The following MTCL2 variants were observed in gnomAD, a reference collection of about 807,000 sequenced individuals.
The protein encoded by MTCL2 is microtubule cross-linking factor 2.
At chr20:36,793,752 G>C in the MTCL2 span, 1 of 1,541,650 alleles carries the variant, frequency 6.5e-7, no homozygotes, top group African/African-American at 1.4e-5. The surrounding 1 kb of genome is among the most constrained non-coding windows in gnomAD (Gnocchi z 6.8). Context: ...CGCCTCTGGA[G>C]CTTTGGTGAG....
chr20:36,792,538 C>A, the MTCL2 span, among the ~76,000 whole-genome samples: 5 of 150,232 alleles, frequency 3.3e-5, no homozygotes, highest in Non-Finnish European at 5.9e-5. Flanking sequence ...AAAAAAAAAA[C>A]CCACAGAGAT....
chr20:36,799,019 TA>T, the MTCL2 span, among the ~76,000 whole-genome samples: 1 of 152,128 alleles, frequency 6.6e-6, no homozygotes, highest in South Asian at 2.1e-4. Flanking sequence ...GCTTTGCTTC[TA>T]AGAAACTCAA....
At chr20:36,863,375 C>A in the MTCL2 span, 1 of 1,157,624 alleles carries the variant, frequency 8.6e-7, no homozygotes, top group Non-Finnish European at 1.1e-6. This position sits in a 1 kb window ranked among gnomAD's most constrained non-coding sequence, Gnocchi z 6.2. Context: ...GCGAGCTGCG[C>A]GCATGGCCCA....
the MTCL2 span, among the ~76,000 whole-genome samples, chr20:36,825,999 CTTTCT>C: frequency 0.92 from 134,891 of 146,242 alleles, 63,073 homozygotes; most frequent in South Asian, 1. Context: ...ATTCCAAATA[CTTTCT>C]TTTCTTTTTT....
At chr20:36,833,925 G>T in the MTCL2 span, among the ~76,000 whole-genome samples, 4 of 152,192 alleles carry the variant, frequency 2.6e-5, no homozygotes, top group Admixed American at 2.6e-4. Context: ...CCCTTTGGGA[G>T]GCCGAGGCCG....
At chr20:36,820,394 T>C in the MTCL2 span, among the ~76,000 whole-genome samples, 1 of 152,154 alleles carries the variant, frequency 6.6e-6, no homozygotes, top group Non-Finnish European at 1.5e-5. Flanking sequence ...GATCATGAGA[T>C]TCACTGACAT....
the MTCL2 span, chr20:36,812,557 C>T: frequency 2.0e-6 from 2 of 1,005,162 alleles, no homozygotes; most frequent in South Asian, 2.1e-5. Context: ...TCCCTTCTGG[C>T]CTTGGCTGCC....
At chr20:36,794,618 G>T in the MTCL2 span, 1 of 1,613,990 alleles carries the variant, frequency 6.2e-7, no homozygotes, top group African/African-American at 1.3e-5. The surrounding 1 kb of genome is among the most constrained non-coding windows in gnomAD (Gnocchi z 5.4). Flanking sequence ...GACAGAGGAG[G>T]AAACGTCGTT....
At chr20:36,863,072 G>A in the MTCL2 span, 1 of 1,403,552 alleles carries the variant, frequency 7.1e-7, no homozygotes, top group Non-Finnish European at 9.3e-7. This position sits in a 1 kb window ranked among gnomAD's most constrained non-coding sequence, Gnocchi z 6.2. Context: ...CCCCGGTGCG[G>A]ACCCCGGCCA....
At chr20:36,827,357 C>CCTT in the MTCL2 span, among the ~76,000 whole-genome samples, 1 of 116,360 alleles carries the variant, frequency 8.6e-6, no homozygotes, top group African/African-American at 3.3e-5. Flanking sequence ...CTGGACCCCC[C>CCTT]TTTTTTTTTT....
chr20:36,839,330 T>C, the MTCL2 span: 4 of 1,612,014 alleles, frequency 2.5e-6, no homozygotes, highest in South Asian at 4.4e-5. This position sits in a 1 kb window ranked among gnomAD's most constrained non-coding sequence, Gnocchi z 5.1. Flanking sequence ...ATGCGGCAGG[T>C]CTTGCTGGCC....
chr20:36,838,026 A>C, the MTCL2 span, among the ~76,000 whole-genome samples: 1 of 150,174 alleles, frequency 6.7e-6, no homozygotes, highest in Non-Finnish European at 1.5e-5. Flanking sequence ...GCCTTGACCA[A>C]CTCTAGGCCT....
chr20:36,835,951 C>A, the MTCL2 span, among the ~76,000 whole-genome samples: 1 of 152,140 alleles, frequency 6.6e-6, no homozygotes, highest in African/African-American at 2.4e-5. Flanking sequence ...CCTCATCTTT[C>A]TGAAGTCTGA....
At chr20:36,803,532 T>G in the MTCL2 span, among the ~76,000 whole-genome samples, 3 of 151,900 alleles carry the variant, frequency 2.0e-5, no homozygotes, top group African/African-American at 7.3e-5. Flanking sequence ...TGCCCAGGTC[T>G]TTGGGGGCAG....
the MTCL2 span, chr20:36,859,747 C>T: frequency 3.2e-6 from 4 of 1,231,764 alleles, no homozygotes; most frequent in Non-Finnish European, 4.0e-6. Flanking sequence ...GGCCACCCAC[C>T]AGACCTGGTG....
chr20:36,786,730 G>T, the MTCL2 span: 1 of 1,252,126 alleles, frequency 8.0e-7, no homozygotes, highest in Non-Finnish European at 1.1e-6. Context: ...AAGGAACTGA[G>T]ACTCGGCCAT....
the MTCL2 span, among the ~76,000 whole-genome samples, chr20:36,813,140 C>G: frequency 1.3e-5 from 2 of 152,078 alleles, no homozygotes; most frequent in South Asian, 4.1e-4. Flanking sequence ...TGTCCTATCA[C>G]ATGTGTGACC....
the MTCL2 span, among the ~76,000 whole-genome samples, chr20:36,853,728 TG>T: frequency 1.3e-5 from 2 of 151,822 alleles, no homozygotes; most frequent in Non-Finnish European, 2.9e-5. Context: ...TGTGTGTGTG[TG>T]TGTGTGTGTG....
chr20:36,863,324 C>T, the MTCL2 span: 1 of 1,178,610 alleles, frequency 8.5e-7, no homozygotes, highest in South Asian at 4.2e-5. The surrounding 1 kb of genome is among the most constrained non-coding windows in gnomAD (Gnocchi z 6.2). Context: ...GGACCGGGGG[C>T]TCGGCCGCCG....
Sources: allele counts gnomAD v4.1 joint callset (sites outside exome capture counted in the v4.1 genomes callset), GRCh38; gene constraint gnomAD v4.1.1; non-coding constraint Gnocchi (gnomAD v3.1); transcripts MANE v1.5; gene names NCBI Gene and HGNC (gene_info 2026-07-23, HGNC 2026-07-21).